Variants in RABGAP1L observed in about 807,000 individuals in gnomAD.
The protein encoded by RABGAP1L is RAB GTPase activating protein 1 like.
Under a neutral mutation model 137.7 loss-of-function variants are expected in RABGAP1L, and 63 were observed. That is an observed-to-expected ratio of 0.46 (90% confidence interval 0.37 to 0.56). The LOEUF (loss-of-function observed/expected upper bound fraction) is 0.56, where lower values mean the gene tolerates loss of function less well. RABGAP1L is among the 20% of genes least tolerant of loss of function. The pLI, the probability that RABGAP1L is intolerant of heterozygous loss-of-function variation, is 0.00. For synonymous variants in RABGAP1L, 431 were observed against 433.7 expected, an observed-to-expected ratio of 0.99 and a Z score of 0.08; for missense variants, 1,095 against 1,244.0, an observed-to-expected ratio of 0.88 and a Z score of 1.80.
At chr1:174,398,159 A>C (rs1344143318) in intron 13 of RABGAP1L, among the ~76,000 whole-genome samples, 1 of 152,282 alleles carries the variant, frequency 6.6e-6, no homozygotes, top group Non-Finnish European at 1.5e-5. Context: ...TACACTTGGA[A>C]TATTGCCAAT....
chr1:174,294,772 GTCTGATT>G (rs1676957917), intron 10 of RABGAP1L, among the ~76,000 whole-genome samples: 1 of 152,148 alleles, frequency 6.6e-6, no homozygotes, highest in South Asian at 2.1e-4. Context: ...AAGATTTGGT[GTCTGATT>G]TCATGTGAGG....
At chr1:174,524,982 A>G (rs946092181) in intron 13 of RABGAP1L, among the ~76,000 whole-genome samples, 4 of 151,886 alleles carry the variant, frequency 2.6e-5, no homozygotes, top group Middle Eastern at 3.4e-3. Context: ...TGTCTTTTCT[A>G]TTTTGTTCCA....
intron 18 of RABGAP1L, among the ~76,000 whole-genome samples, chr1:174,764,510 A>G (rs753963616): frequency 7.2e-5 from 11 of 152,242 alleles, no homozygotes; most frequent in Non-Finnish European, 1.5e-4. Context: ...GAAGGCCTCC[A>G]GTCACCTAAG....
intron 14 of RABGAP1L, among the ~76,000 whole-genome samples, chr1:174,651,074 G>A (rs1675443460): frequency 6.6e-6 from 1 of 151,738 alleles, no homozygotes. Flanking sequence ...CTTTATTTCT[G>A]CCTTCATTTC....
At chr1:174,636,329 C>G (rs754966430) in intron 13 of RABGAP1L, among the ~76,000 whole-genome samples, 2 of 151,938 alleles carry the variant, frequency 1.3e-5, no homozygotes, top group Non-Finnish European at 2.9e-5. Context: ...CCAGCCTGTT[C>G]CAACACAGTG....
intron 13 of RABGAP1L, among the ~76,000 whole-genome samples, chr1:174,397,580 C>A (rs1245339162): frequency 6.6e-6 from 1 of 152,132 alleles, no homozygotes; most frequent in Admixed American, 6.5e-5. Flanking sequence ...GTTTAAGGAC[C>A]TTCATTCCTG....
chr1:174,516,593 G>A (rs551678286), intron 13 of RABGAP1L, among the ~76,000 whole-genome samples: 35 of 152,176 alleles, frequency 2.3e-4, no homozygotes, highest in Non-Finnish European at 3.7e-4. Flanking sequence ...GCCAAATTTA[G>A]AGTTTATCAA....
rs1212368243 is a variant in RABGAP1L, at chr1:174,327,984, CACATATATATATAT to C, written c.1465+22859_1465+22872del. The stretch of plus-strand genomic sequence containing the variant: ...ATATATATATATATATATATACACA[CACATATATATATAT>C]ATATATATATATATATATATATATA... On this transcript the variant is annotated intron_variant, in intron 11 of 25. Transcript: ENST00000681986. Among the ~76,000 whole-genome samples the C allele has an allele frequency of 7.4e-4, 28 of 37,860 alleles. 1 individual carries two copies. In the East Asian group the frequency reaches 0.012, roughly 16 times the overall value. 24.8% of individuals were successfully genotyped at this position (37,860 alleles called of 152,430 possible).
chr1:174,260,148 T>G (rs1471227088), intron 7 of RABGAP1L, among the ~76,000 whole-genome samples: 2 of 152,198 alleles, frequency 1.3e-5, no homozygotes, highest in African/African-American at 4.8e-5. Context: ...CTCCATTTTA[T>G]AGATGATGAA....
chr1:174,384,344 A>G (rs1686546976), intron 12 of RABGAP1L, among the ~76,000 whole-genome samples: 1 of 152,166 alleles, frequency 6.6e-6, no homozygotes, highest in African/African-American at 2.4e-5. Flanking sequence ...TGGTTATGGT[A>G]GTGCTCACAA....
intron 13 of RABGAP1L, among the ~76,000 whole-genome samples, chr1:174,465,291 C>A (rs573818396): frequency 6.6e-6 from 1 of 152,160 alleles, no homozygotes; most frequent in East Asian, 1.9e-4. Context: ...CCTCCGCCTC[C>A]CGGGTTTGAG....
At position 174,270,701 on chromosome 1, in the gene RABGAP1L, A is replaced by G. The variant is rs1361266795; in HGVS notation, c.987-1713A>G. Among the ~76,000 whole-genome samples, 4 of 152,152 alleles carry G rather than the reference A, an allele frequency of 2.6e-5. No individual in the cohort carries two copies. The East Asian group carries it at 7.7e-4, about 29-fold the overall frequency. ...AGAGTATACTTTCCAAACTGTTAGCATTATTTCCTAAGGAGGCTGACAGAA... is the reference window on the plus strand; with the variant it reads ...AGAGTATACTTTCCAAACTGTTAGCGTTATTTCCTAAGGAGGCTGACAGAA... On this transcript the variant is annotated intron_variant, in intron 7 of 25. Coordinates refer to ENST00000681986, the MANE Select transcript of RABGAP1L (RefSeq NM_001366446.1).
chr1:174,422,088 C>T (rs761395213), intron 13 of RABGAP1L, among the ~76,000 whole-genome samples: 1 of 152,122 alleles, frequency 6.6e-6, no homozygotes, highest in African/African-American at 2.4e-5. Context: ...AGTTTATCAT[C>T]ATTCCAGGAT....
intron 11 of RABGAP1L, among the ~76,000 whole-genome samples, chr1:174,328,354 T>C (rs1184569315): frequency 6.6e-6 from 1 of 152,122 alleles, no homozygotes; most frequent in African/African-American, 2.4e-5. Flanking sequence ...GCGTTTTTTC[T>C]GACTGTAATA....
At chr1:174,739,649 T>A (rs1276416865) in intron 17 of RABGAP1L, among the ~76,000 whole-genome samples, 1 of 152,196 alleles carries the variant, frequency 6.6e-6, no homozygotes, top group Admixed American at 6.5e-5. Flanking sequence ...TAAGCAGCCA[T>A]GGTTGAGAGC....
intron 13 of RABGAP1L, among the ~76,000 whole-genome samples, chr1:174,403,208 A>AGTGTGTGT (rs201238291): frequency 0.011 from 1,426 of 126,668 alleles, 30 homozygotes; most frequent in East Asian, 0.08. Context: ...TATATATGAG[A>AGTGTGTGT]GTGTGTGTGT....
intron 13 of RABGAP1L, among the ~76,000 whole-genome samples, chr1:174,415,482 A>G (rs1170915096): frequency 6.6e-6 from 1 of 152,080 alleles, no homozygotes; most frequent in African/African-American, 2.4e-5. Context: ...AGGAAAATTC[A>G]GTCACTTTTG....
intron 13 of RABGAP1L, among the ~76,000 whole-genome samples, chr1:174,432,656 G>T (rs1652780121): frequency 6.6e-6 from 1 of 152,144 alleles, no homozygotes; most frequent in African/African-American, 2.4e-5. Context: ...TCCTGCCTCA[G>T]CCTCCTGAGT....
rs188376542 is a variant in RABGAP1L, at chr1:174,712,151, G to A, written c.2169+9895G>A. 2.0e-3 allele frequency among the ~76,000 whole-genome samples: 299 copies of A among 152,280 alleles called. 1 individual carries two copies. Among genetic ancestry groups the A allele is most frequent in the African/African-American group, 6.8e-3 (284 of 41,550 alleles). ...TGGACCAATCAGCTGTCTGTAAAAC[G>A]GACCAATCAGCTCTCTGTAAAACAG... On this transcript the variant is annotated intron_variant, in intron 17 of 25. Coordinates refer to ENST00000681986, the MANE Select transcript of RABGAP1L (RefSeq NM_001366446.1).
Sources: gnomAD v4.1 joint callset for allele counts (sites outside exome capture counted in the v4.1 genomes callset) on GRCh38, gnomAD v4.1.1 for gene constraint, MANE v1.5 for transcripts, NCBI Gene and HGNC (gene_info 2026-07-23, HGNC 2026-07-21) for gene names.